The following JMJD1C variants were observed in gnomAD, a reference collection of about 807,000 sequenced individuals.
JMJD1C encodes the protein jumonji domain containing 1C, also known as jumonji domain-containing protein 1C.
In JMJD1C, 31 loss-of-function variants were observed where a neutral mutation model predicts 245.3. The observed-to-expected ratio is 0.13, with a 90% confidence interval of 0.09 to 0.17. The LOEUF is 0.17. Among genes scored for constraint, JMJD1C ranks in the 10% least tolerant of loss-of-function variants. JMJD1C has a pLI of 1.00. For synonymous variants in JMJD1C, 1,057 were observed against 1,017.4 expected (o/e 1.04, Z -0.74); for missense variants, 2,691 against 3,000.2 (o/e 0.90, Z 2.41).
At chr10:63,241,475 T>A (rs1372873800) in intron 3 of JMJD1C, among the ~76,000 whole-genome samples, 1 of 152,204 alleles carries the variant, frequency 6.6e-6, no homozygotes, top group Non-Finnish European at 1.5e-5. Flanking sequence ...AAAAGTTTTA[T>A]CATATTACTT....
At chr10:63,419,964 C>T (rs971705493) in intron 1 of JMJD1C, among the ~76,000 whole-genome samples, 15 of 151,584 alleles carry the variant, frequency 9.9e-5, no homozygotes, top group East Asian at 5.8e-4. Flanking sequence ...GGTGAAACCC[C>T]GTCTCTATTA....
upstream of JMJD1C, among the ~76,000 whole-genome samples, chr10:63,469,399 T>A (rs926391199): frequency 6.6e-6 from 1 of 152,218 alleles, no homozygotes; most frequent in Non-Finnish European, 1.5e-5. Context: ...CAAAACCAGA[T>A]CTTGTGATAA....
At chr10:63,417,091 T>G (rs1949851301) in intron 1 of JMJD1C, among the ~76,000 whole-genome samples, 1 of 152,184 alleles carries the variant, frequency 6.6e-6, no homozygotes. Flanking sequence ...TACTGATTTC[T>G]CTGTGATCAA....
intron 24 of JMJD1C, among the ~76,000 whole-genome samples, chr10:63,171,596 A>G (rs544435741): frequency 6.6e-6 from 1 of 152,204 alleles, no homozygotes; most frequent in African/African-American, 2.4e-5. Flanking sequence ...TGAGATTCCT[A>G]TTTGTGTGGT....
chr10:63,475,960 G>C (rs571530108), intron 1 of JMJD1C, among the ~76,000 whole-genome samples: 17 of 152,206 alleles, frequency 1.1e-4, no homozygotes, highest in Admixed American at 1.0e-3. Context: ...TGTAATCCCA[G>C]CACTTTGGGA....
chr10:63,277,967 A>T (rs1856984184), intron 2 of JMJD1C, among the ~76,000 whole-genome samples: 1 of 151,766 alleles, frequency 6.6e-6, no homozygotes, highest in South Asian at 2.1e-4. Flanking sequence ...CAACTACCTC[A>T]GGTTATCTGC....
At chr10:63,434,381 T>C (rs186821359) in intron 1 of JMJD1C, among the ~76,000 whole-genome samples, 2 of 152,250 alleles carry the variant, frequency 1.3e-5, no homozygotes, top group East Asian at 1.9e-4. Flanking sequence ...CCAGTTTAAC[T>C]GACTGAAGTT....
At chr10:63,420,522 T>C (rs1950059600) in intron 1 of JMJD1C, among the ~76,000 whole-genome samples, 1 of 150,262 alleles carries the variant, frequency 6.7e-6, no homozygotes, top group South Asian at 2.1e-4. Flanking sequence ...CTGGACAACA[T>C]GGCAAAACCC....
At chr10:63,520,736 G>T (rs1955188246) in intron 1 of JMJD1C, among the ~76,000 whole-genome samples, 1 of 152,304 alleles carries the variant, frequency 6.6e-6, no homozygotes, top group East Asian at 1.9e-4. Context: ...AGTCTTTGCA[G>T]ATGCTCTGAT....
At position 63,215,370 on chromosome 10, in the gene JMJD1C, T is replaced by C. The variant is rs1421294217; in HGVS notation, c.908A>G (p.Gln303Arg). The part of the protein sequence containing the change: ...AAVPKQNTHQ[Q>R]QQQRSIRPNK... The stretch of plus-strand genomic sequence containing the variant: ...TGGACGGATACTTCTTTGTTGCTGT[T>C]GCTGGTGTGTATTCTGTTTTGGTAC... Residue 303 changes from glutamine to arginine, a missense_variant, in exon 7 of 26, where the codon CAA becomes CGA. Around this residue, in one of 9 missense-constraint regions of JMJD1C, gnomAD observed 1,562 missense variants for 1,490.7 expected, o/e 1.05. Coordinates refer to ENST00000399262, the MANE Select transcript of JMJD1C (RefSeq NM_032776.3). The C allele has an allele frequency of 1.9e-6, 3 of 1,614,206 alleles. No homozygotes were observed. The highest frequency in any genetic ancestry group is 1.7e-6 in the Non-Finnish European group (2 of 1,180,008).
At chr10:63,337,400 C>A (rs1942848672) in intron 2 of JMJD1C, among the ~76,000 whole-genome samples, 1 of 131,810 alleles carries the variant, frequency 7.6e-6, no homozygotes, top group Admixed American at 8.7e-5. Context: ...CGAGGTCTTG[C>A]CACTGTACTC....
intron 1 of JMJD1C, among the ~76,000 whole-genome samples, chr10:63,451,993 C>T (rs1952098955): frequency 1.3e-5 from 2 of 152,056 alleles, no homozygotes; most frequent in African/African-American, 4.8e-5. Flanking sequence ...GACTTAGAAG[C>T]AAATGAAGAC....
At chr10:63,459,706 A>C (rs767590169) in intron 1 of JMJD1C, among the ~76,000 whole-genome samples, 8 of 152,228 alleles carry the variant, frequency 5.3e-5, no homozygotes, top group Non-Finnish European at 7.4e-5. Flanking sequence ...TAAAAGTTTC[A>C]AGAAAATGCT....
rs1346927943 is a variant in JMJD1C, at chr10:63,214,749, T to C, written c.1418A>G (p.His473Arg). 5 of 1,613,840 alleles carry C rather than the reference T, an allele frequency of 3.1e-6. No homozygotes were observed. The highest frequency in any genetic ancestry group is 4.2e-6 in the Non-Finnish European group (5 of 1,179,928). Residue 473 changes from histidine to arginine, a missense_variant, in exon 8 of 26, where the codon CAT (histidine) becomes CGT (arginine). Around this residue, in one of 9 missense-constraint regions of JMJD1C, gnomAD observed 1,562 missense variants for 1,490.7 expected, o/e 1.05. Coordinates refer to ENST00000399262, the MANE Select transcript of JMJD1C (RefSeq NM_032776.3). ...CTGAGGAAGTAAATCATTAGAATTA[T>C]GATCAGAAACTGTGGACTGTTCTGA... ...HSSEQSTVSD[H>R]NSNDLLPQEC...
chr10:63,308,058 G>A (rs554030847), intron 2 of JMJD1C, among the ~76,000 whole-genome samples: 15 of 152,120 alleles, frequency 9.9e-5, no homozygotes, highest in South Asian at 4.1e-4. Flanking sequence ...GGAGACTGAC[G>A]CAGAATCATT....
chr10:63,501,556 T>C (rs1455019290), intron 1 of JMJD1C, among the ~76,000 whole-genome samples: 2 of 152,104 alleles, frequency 1.3e-5, no homozygotes, highest in Admixed American at 1.3e-4. Flanking sequence ...GGAGGGTGAT[T>C]CACGAGGTCA....
At chr10:63,326,381 A>AAAATAAATAAAT (rs10630310) in intron 2 of JMJD1C, among the ~76,000 whole-genome samples, 84 of 143,318 alleles carry the variant, frequency 5.9e-4, no homozygotes, top group East Asian at 2.5e-3. Context: ...TTCCATCTCA[A>AAAATAAATAAAT]AAATAAATAA....
chr10:63,274,394 T>C (rs1856593539), intron 2 of JMJD1C, among the ~76,000 whole-genome samples: 1 of 152,010 alleles, frequency 6.6e-6, no homozygotes, highest in Non-Finnish European at 1.5e-5. Flanking sequence ...TGAAACCCTG[T>C]CTCTACAAAG....
intron 3 of JMJD1C, among the ~76,000 whole-genome samples, chr10:63,233,787 CCACCAG>C (rs1423709303): frequency 0.025 from 3,697 of 150,438 alleles, 65 homozygotes; most frequent in South Asian, 0.063. Context: ...ACACACACCA[CCACCAG>C]GATATATAAC....
Sources: allele counts gnomAD v4.1 joint callset (sites outside exome capture counted in the v4.1 genomes callset), GRCh38; gene constraint gnomAD v4.1.1; regional missense constraint gnomAD v4.1.1; transcripts MANE v1.5; gene names NCBI Gene and HGNC (gene_info 2026-07-23, HGNC 2026-07-21).